The following TJP3 variants were observed in gnomAD, a reference collection of about 807,000 sequenced individuals.
TJP3 encodes the protein tight junction protein 3, also known as tight junction protein ZO-3.
TJP3 carries 85 observed loss-of-function variants against 104.2 expected under a neutral mutation model. That is an observed-to-expected ratio of 0.82 (90% CI 0.68 to 0.98). The LOEUF (loss-of-function observed/expected upper bound fraction) is 0.98, where lower values mean the gene tolerates loss of function less well. TJP3 is among the 50% of genes least tolerant of loss of function. The pLI, the probability that TJP3 is intolerant of heterozygous loss-of-function variation, is 0.00. For missense variants in TJP3, 1,367 were observed against 1,322.8 expected, an observed-to-expected ratio of 1.03 and a Z score of -0.52; for synonymous variants, 550 against 550.6, an observed-to-expected ratio of 1.00 and a Z score of 0.02.
intron 19 of TJP3, chr19:3,749,638 G>A (rs913057998): frequency 3.3e-4 from 51 of 155,426 alleles, no homozygotes; most frequent in African/African-American, 9.9e-4. Flanking sequence ...GAACCACAGC[G>A]CCCAGCTGTA....
chr19:3,718,629 C>T (rs1380675961), intron 1 of TJP3, among the ~76,000 whole-genome samples: 2 of 151,526 alleles, frequency 1.3e-5, no homozygotes, highest in African/African-American at 2.4e-5. Context: ...CCACCACGCC[C>T]AGCTAATTTT....
rs1017307697 is a variant in TJP3, at chr19:3,739,025, C to A, written c.1522C>A (p.Leu508Met). Reference protein sequence around the residue: ...RGDVFHVLDTLHPGPGQSHAR... With the variant: ...RGDVFHVLDTMHPGPGQSHAR... ...CGACGTCTTCCACGTGCTGGACACG[C>A]TGCACCCCGGCCCCGGGCAGAGCCA... is the stretch of plus-strand genomic sequence containing the variant. Residue 508 changes from leucine (L) to methionine (M), a missense_variant, in exon 13 of 21, where the codon CTG becomes ATG. Physicochemically the swap from Leu to Met is conservative, Grantham distance 15. Transcript: ENST00000541714. 3.1e-6 allele frequency: 5 copies of A among 1,612,428 alleles called. No individual in the cohort carries two copies. The African/African-American group carries it at 6.7e-5, about 22-fold the overall frequency.
intron 1 of TJP3, among the ~76,000 whole-genome samples, chr19:3,718,558 T>A (rs2145668308): frequency 6.6e-6 from 1 of 151,058 alleles, no homozygotes; most frequent in Admixed American, 6.6e-5. Flanking sequence ...AACCTCTGCC[T>A]CCCAGGTTTA....
intron 5 of TJP3, 96 bp from the exon 6 acceptor site, chr19:3,731,839 T>G: frequency 1.1e-6 from 1 of 903,346 alleles, no homozygotes; most frequent in African/African-American, 1.6e-5. Flanking sequence ...GGTGTTAGGA[T>G]GGGAGGGCCC....
intron 1 of TJP3, among the ~76,000 whole-genome samples, chr19:3,717,422 T>TAC (rs2145666434): frequency 6.8e-6 from 1 of 147,296 alleles, no homozygotes; most frequent in South Asian, 2.1e-4. Context: ...TATATATATA[T>TAC]ATATATAATT....
intron 6 of TJP3, among the ~76,000 whole-genome samples, chr19:3,733,191 A>G (rs1322993415): frequency 6.6e-6 from 1 of 150,998 alleles, no homozygotes; most frequent in Non-Finnish European, 1.5e-5. Context: ...GCCCACCACC[A>G]CGCCCTGCTA....
At chr19:3,733,244 C>T (rs1326341941) in intron 6 of TJP3, among the ~76,000 whole-genome samples, 1 of 152,168 alleles carries the variant, frequency 6.6e-6, no homozygotes, top group South Asian at 2.1e-4. Context: ...CCATGATGGC[C>T]AGGCTGGTCT....
chr19:3,734,046 C>A, intron 7 of TJP3, 134 bp downstream of exon 7: 1 of 1,222,432 alleles, frequency 8.2e-7, no homozygotes, highest in Non-Finnish European at 1.1e-6. Context: ...TTGCTGAAGG[C>A]CACACAGCAA....
At chr19:3,738,284 T>A (rs962240957) in intron 11 of TJP3, among the ~76,000 whole-genome samples, 3 of 152,226 alleles carry the variant, frequency 2.0e-5, no homozygotes, top group Non-Finnish European at 4.4e-5. Context: ...CAACCCACCA[T>A]GATTTGGTTA....
intron 3 of TJP3, among the ~76,000 whole-genome samples, chr19:3,728,977 C>T (rs374116816): frequency 1.5e-4 from 23 of 152,134 alleles, no homozygotes; most frequent in African/African-American, 4.8e-4. Flanking sequence ...TGCTTGAACC[C>T]GGGAGGCAGA....
At chr19:3,748,647 C>T (rs1269048957) in intron 19 of TJP3, among the ~76,000 whole-genome samples, 1 of 148,574 alleles carries the variant, frequency 6.7e-6, no homozygotes, top group Non-Finnish European at 1.5e-5. Flanking sequence ...CGGCTCACCA[C>T]AACCTCCGCC....
At position 3,746,328 on chromosome 19, in the gene TJP3, G is replaced by A. The variant is rs1433166487; in HGVS notation, c.2011-157G>A. Among the ~76,000 whole-genome samples, 3 of 152,106 alleles carry A rather than the reference G, an allele frequency of 2.0e-5. No individual in the cohort carries two copies. The highest frequency in any genetic ancestry group is 4.4e-5 in the Non-Finnish European group (3 of 68,020). Reference sequence around the variant, plus strand: ...GAGGTTTTGATGCCCAAGATGCTGCGACCTGGGCTGTTACCACCCCCATCC... The same window carrying A: ...GAGGTTTTGATGCCCAAGATGCTGCAACCTGGGCTGTTACCACCCCCATCC... On this transcript the variant is annotated intron_variant, in intron 16 of 20. Coordinates refer to ENST00000541714, the MANE Select transcript of TJP3 (RefSeq NM_001267560.2). The surrounding 1 kb of genome is among the most constrained non-coding windows in gnomAD (Gnocchi z 4.1).
rs759665174 is a variant in TJP3, at chr19:3,730,560, G to A, written c.467G>A (p.Arg156Gln). ...SRRPRPGRRG[R>Q]AGSHGRRSPG... is the part of the protein sequence containing the mutation. ...CGGCCGAGGCCTGGTCGCCGGGGCC[G>A]GGCCGGCAGCCATGGGCGTAGGAGC... The change falls in exon 5 of 21, where the codon CGG (arginine) becomes CAG (glutamine). Residue 156 changes from arginine to glutamine, a missense_variant. Physicochemically the swap from Arg to Gln is conservative, Grantham distance 43. Coordinates refer to ENST00000541714, the MANE Select transcript of TJP3 (RefSeq NM_001267560.2). The surrounding 1 kb of genome is among the most constrained non-coding windows in gnomAD (Gnocchi z 7.3). 1.4e-5 allele frequency: 22 copies of A among 1,605,386 alleles called. No homozygotes were observed. In the East Asian group the frequency reaches 2.7e-4, roughly 20 times the overall value.
At chr19:3,717,342 A>ATCTGCCCGAATGCAGGAT (rs1280778620) in intron 1 of TJP3, among the ~76,000 whole-genome samples, 1 of 124,648 alleles carries the variant, frequency 8.0e-6, no homozygotes, top group African/African-American at 2.5e-5. Context: ...ACCTCAAGTG[A>ATCTGCCCGAATGCAGGAT]TTCGGCCGCC....
chr19:3,747,987 C>A lies in TJP3; in HGVS notation c.2516C>A (p.Ala839Asp). The change falls in exon 19 of 21, where the codon GCT becomes GAT. Residue 839 changes from alanine to aspartate, a missense_variant. Physicochemically the swap from Ala to Asp is moderately radical, Grantham distance 126. Transcript: ENST00000541714. ...PYTDVDDEPPAPALARSSEPV... is the reference protein window; with the variant it reads ...PYTDVDDEPPDPALARSSEPV... The stretch of plus-strand genomic sequence containing the variant: ...ACGGATGTGGATGATGAGCCCCCGG[C>A]TCCAGCCCTGGCCCGGTCCTCGGAG... 5.6e-6 allele frequency: 9 copies of A among 1,612,022 alleles called. No individual in the cohort carries two copies. Among genetic ancestry groups the A allele is most frequent in the Non-Finnish European group, 7.6e-6 (9 of 1,179,476 alleles).
At chr19:3,750,049 A>G in intron 19 of TJP3, 89 bp from the exon 20 acceptor site, 1 of 1,562,402 alleles carries the variant, frequency 6.4e-7, no homozygotes, top group Non-Finnish European at 8.8e-7. Context: ...GCCCGGGCCA[A>G]GGTGGGGGAT....
intron 19 of TJP3, 35 bp from the exon 20 acceptor site, chr19:3,750,103 G>T: frequency 6.2e-7 from 1 of 1,613,962 alleles, no homozygotes; most frequent in East Asian, 2.2e-5. Context: ...TGCTCTGGGG[G>T]GAGTTTTGAA....
chr19:3,715,463 C>T (rs749512621), intron 1 of TJP3, among the ~76,000 whole-genome samples: 5 of 152,248 alleles, frequency 3.3e-5, no homozygotes, highest in Middle Eastern at 3.4e-3. Flanking sequence ...AGGCTATGCC[C>T]ATCTCCAAAG....
chr19:3,744,033 A>T lies in TJP3; in HGVS notation c.1938A>T (p.Ala646=), dbSNP rs776491569. The change falls in exon 15 of 21, where the codon GCA becomes GCT. Residue 646 remains alanine (A), a splice_region_variant and synonymous_variant. Coordinates refer to ENST00000541714, the MANE Select transcript of TJP3 (RefSeq NM_001267560.2). The part of the protein sequence containing the change: ...TAEMPDQFEI[A]ETVSRTDSPS... ...AGATGCCTGACCAGTTTGAAATCGC[A>T]GGTGAGAAGCCAGATCCTCTGGAAA... The T allele has an allele frequency of 6.2e-7, 1 of 1,613,756 alleles. No individual in the cohort carries two copies. The highest frequency in any genetic ancestry group is 8.5e-7 in the Non-Finnish European group (1 of 1,179,778).
Sources: allele counts gnomAD v4.1 joint callset (sites outside exome capture counted in the v4.1 genomes callset), GRCh38; gene constraint gnomAD v4.1.1; non-coding constraint Gnocchi (gnomAD v3.1); transcripts MANE v1.5; gene names NCBI Gene and HGNC (gene_info 2026-07-23, HGNC 2026-07-21).